Variants in CYP3A43 observed in about 807,000 individuals in gnomAD.
The protein encoded by CYP3A43 is cytochrome P450 3A43.
In CYP3A43, 45 loss-of-function variants were observed where a neutral mutation model predicts 58.0. The observed-to-expected ratio is 0.78, with a 90% CI of 0.61 to 0.99. The LOEUF (loss-of-function observed/expected upper bound fraction) is 0.99, where lower values mean the gene tolerates loss of function less well. Ranked by LOEUF, CYP3A43 falls within the 50% of genes least tolerant of loss-of-function variation. CYP3A43 has a pLI of 0.00. For missense variants in CYP3A43, 593 were observed against 591.9 expected, an observed-to-expected ratio of 1.00 and a Z score of -0.02; for synonymous variants, 191 against 201.4, an observed-to-expected ratio of 0.95 and a Z score of 0.44.
At chr7:99,829,236 A>G (rs1397894192) in intron 1 of CYP3A43, among the ~76,000 whole-genome samples, 1 of 152,218 alleles carries the variant, frequency 6.6e-6, no homozygotes, top group Non-Finnish European at 1.5e-5. Flanking sequence ...GGGAATTGTA[A>G]TAGAGAATGA....
chr7:99,865,087 G>C lies in CYP3A43; in HGVS notation c.1417-819G>C, dbSNP rs1421831786. ...GGGAAGCTGTACATCCATCCTCTAAGTGTGTACAGACAGGGGCTCAACTCT... is the reference window on the plus strand; with the variant it reads ...GGGAAGCTGTACATCCATCCTCTAACTGTGTACAGACAGGGGCTCAACTCT... On this transcript the variant is annotated intron_variant, in intron 12 of 12. Coordinates refer to ENST00000354829, the MANE Select transcript of CYP3A43 (RefSeq NM_057095.3). Among the ~76,000 whole-genome samples the C allele has an allele frequency of 4.0e-5, 6 of 148,474 alleles. 1 individual carries two copies. The highest frequency in any genetic ancestry group is 5.3e-5 in the African/African-American group (2 of 37,944).
At chr7:99,847,347 A>C in intron 4 of CYP3A43, 141 bp from the exon 5 acceptor site, 1 of 713,274 alleles carries the variant, frequency 1.4e-6, no homozygotes, top group Non-Finnish European at 2.3e-6. Context: ...ATCTTTATTG[A>C]GCATCTAGTA....
At position 99,865,917 on chromosome 7, in the gene CYP3A43, A is replaced by C; in HGVS notation, c.1428A>C (p.Lys476Asn). The C allele has an allele frequency of 6.2e-7, 1 of 1,604,522 alleles. No homozygotes were observed. The highest frequency in any genetic ancestry group is 8.5e-7 in the Non-Finnish European group (1 of 1,176,478). Residue 476 changes from lysine (K) to asparagine (N), a missense_variant, in exon 13 of 13, where the codon AAA (lysine) becomes AAC (asparagine). Lys to Asn is a moderately conservative substitution (Grantham distance 94). Transcript: ENST00000354829. ...TTTAACTTTTGCAGATCCCACTGAA[A>C]TTAGACAATCTACCAATTCTTCAAC... ...KPCKETQIPL[K>N]LDNLPILQPE...
chr7:99,840,225 T>G (rs1336212051), intron 3 of CYP3A43, among the ~76,000 whole-genome samples: 1 of 152,200 alleles, frequency 6.6e-6, no homozygotes, highest in Non-Finnish European at 1.5e-5. Flanking sequence ...AATAATTTTT[T>G]TCTGGCTCCT....
chr7:99,858,638 C>A (rs1225470839), intron 9 of CYP3A43, among the ~76,000 whole-genome samples: 1 of 151,216 alleles, frequency 6.6e-6, no homozygotes, highest in African/African-American at 2.4e-5. Flanking sequence ...CAATGCCCAT[C>A]TATACATGCA....
chr7:99,853,687 G>T (rs963355593), intron 7 of CYP3A43, among the ~76,000 whole-genome samples: 22 of 152,174 alleles, frequency 1.4e-4, no homozygotes, highest in African/African-American at 5.3e-4. Flanking sequence ...CTCCAGAGTA[G>T]TTGGGACTAC....
At chr7:99,839,368 A>G in intron 3 of CYP3A43, 196 bp downstream of exon 3, 1 of 727,668 alleles carries the variant, frequency 1.4e-6, no homozygotes, top group Non-Finnish European at 2.5e-6. Context: ...GTGTCATAGG[A>G]AACTCCATGC....
At chr7:99,842,954 G>T (rs951203539) in intron 3 of CYP3A43, among the ~76,000 whole-genome samples, 4 of 152,118 alleles carry the variant, frequency 2.6e-5, no homozygotes, top group Non-Finnish European at 5.9e-5. Flanking sequence ...TCAATTTCCA[G>T]TTTACCTTGG....
intron 5 of CYP3A43, 56 bp downstream of exon 5, chr7:99,847,657 G>A (rs1383495570): frequency 2.5e-6 from 4 of 1,604,044 alleles, no homozygotes; most frequent in Non-Finnish European, 2.6e-6. Flanking sequence ...CTGGAGACAG[G>A]TAGTAAGTAT....
intron 10 of CYP3A43, 106 bp downstream of exon 10, chr7:99,860,096 T>C: frequency 7.3e-7 from 1 of 1,371,938 alleles, no homozygotes; most frequent in Non-Finnish European, 9.9e-7. Context: ...AAGCATCAGT[T>C]CTTTCATTTA....
chr7:99,861,906 G>T, intron 11 of CYP3A43, 67 bp downstream of exon 11: 1 of 1,354,200 alleles, frequency 7.4e-7, no homozygotes, highest in Non-Finnish European at 1.0e-6. Context: ...TGCCTCTCTC[G>T]ATGCACATGG....
intron 1 of CYP3A43, among the ~76,000 whole-genome samples, chr7:99,831,788 G>A (rs1816853596): frequency 6.6e-6 from 1 of 152,132 alleles, no homozygotes; most frequent in South Asian, 2.1e-4. Context: ...GAGCATGACT[G>A]GCATTGTGCT....
At chr7:99,830,164 G>C (rs1816786119) in intron 1 of CYP3A43, among the ~76,000 whole-genome samples, 1 of 152,014 alleles carries the variant, frequency 6.6e-6, no homozygotes, top group African/African-American at 2.4e-5. Flanking sequence ...ATACCTAAAG[G>C]AAGATCCTCC....
chr7:99,859,857 A>C lies in CYP3A43; in HGVS notation c.893A>C (p.Gln298Pro), dbSNP rs752604859. Residue 298 changes from glutamine to proline, a missense_variant, in exon 10 of 13, where the codon CAG (glutamine) becomes CCG (proline). Transcript: ENST00000354829. Reference protein sequence around the residue: ...KALSDLELVAQSIIIIFAAYD... With the variant: ...KALSDLELVAPSIIIIFAAYD... ...CTGTCTGATCTGGAGCTTGTGGCCC[A>C]GTCAATTATCATCATTTTTGCTGCC... 4 of 1,614,166 alleles carry C rather than the reference A, an allele frequency of 2.5e-6. No individual in the cohort carries two copies. Among genetic ancestry groups the C allele is most frequent in the Non-Finnish European group, 2.5e-6 (3 of 1,180,034 alleles).
chr7:99,856,923 G>T (rs767302051), intron 9 of CYP3A43, 24 bp downstream of exon 9: 1 of 1,606,510 alleles, frequency 6.2e-7, no homozygotes, highest in African/African-American at 1.3e-5. Context: ...GCATCTGGGG[G>T]CTACTGATGG....
intron 7 of CYP3A43, 82 bp downstream of exon 7, chr7:99,849,776 A>T: frequency 3.0e-6 from 4 of 1,330,748 alleles, no homozygotes; most frequent in Non-Finnish European, 4.0e-6. Flanking sequence ...AACAAAATTC[A>T]CATACCATAT....
intron 3 of CYP3A43, among the ~76,000 whole-genome samples, chr7:99,843,827 T>C (rs1374236228): frequency 6.6e-6 from 1 of 152,210 alleles, no homozygotes. Flanking sequence ...AATGCCCAAG[T>C]ATACACCACC....
At chr7:99,859,755 T>C (rs1818147729) in intron 9 of CYP3A43, 75 bp from the exon 10 acceptor site, 3 of 1,581,344 alleles carry the variant, frequency 1.9e-6, no homozygotes, top group Non-Finnish European at 2.6e-6. Flanking sequence ...GGAGCTTCAC[T>C]GGAATTTTGC....
intron 8 of CYP3A43, among the ~76,000 whole-genome samples, chr7:99,856,030 C>T (rs1817966829): frequency 6.6e-6 from 1 of 152,096 alleles, no homozygotes; most frequent in Non-Finnish European, 1.5e-5. Flanking sequence ...TATAAAGTTG[C>T]CAATAAATCT....
Sources: allele counts gnomAD v4.1 joint callset (sites outside exome capture counted in the v4.1 genomes callset), GRCh38; gene constraint gnomAD v4.1.1; transcripts MANE v1.5; gene names NCBI Gene and HGNC (gene_info 2026-07-23, HGNC 2026-07-21).